The following KIF23 variants were observed in gnomAD, a reference collection of about 807,000 sequenced individuals.
The protein encoded by KIF23 is kinesin family member 23.
Under a neutral mutation model 137.5 loss-of-function variants are expected in KIF23, and 30 were observed. That is an observed-to-expected ratio of 0.22 (90% CI 0.16 to 0.30). KIF23 has a LOEUF of 0.30. Among genes scored for constraint, KIF23 ranks in the 10% least tolerant of loss-of-function variants. The probability of loss-of-function intolerance (pLI) is 1.00; values close to 1 mark genes in which losing one functional copy is unlikely to be tolerated. For synonymous variants in KIF23, 367 were observed against 391.1 expected, an observed-to-expected ratio of 0.94 and a Z score of 0.73; for missense variants, 920 against 1,194.3, an observed-to-expected ratio of 0.77 and a Z score of 3.38.
At chr15:69,426,916 C>T (rs2057209470) in intron 10 of KIF23, among the ~76,000 whole-genome samples, 1 of 152,058 alleles carries the variant, frequency 6.6e-6, no homozygotes, top group Non-Finnish European at 1.5e-5. Context: ...TTAAACAATA[C>T]AGTATAACAA....
chr15:69,445,111 A>C, intron 20 of KIF23, 70 bp downstream of exon 20: 1 of 1,410,208 alleles, frequency 7.1e-7, no homozygotes, highest in South Asian at 1.4e-5. Flanking sequence ...TTGTCCTGCT[A>C]CTCCTTTGGT....
intron 3 of KIF23, among the ~76,000 whole-genome samples, chr15:69,419,849 TTAAG>T (rs1187180004): frequency 1.3e-5 from 2 of 152,204 alleles, no homozygotes; most frequent in Non-Finnish European, 2.9e-5. Flanking sequence ...TTTTACTTCT[TTAAG>T]TAAATTTCAA....
At chr15:69,438,535 T>C in intron 16 of KIF23, 130 bp downstream of exon 16, 1 of 747,356 alleles carries the variant, frequency 1.3e-6, no homozygotes, top group Non-Finnish European at 2.0e-6. Flanking sequence ...CGGTGGCTCA[T>C]GCAGGTAATT....
chr15:69,435,879 A>G (rs1287047453), intron 13 of KIF23, 108 bp downstream of exon 13: 1 of 1,425,330 alleles, frequency 7.0e-7, no homozygotes, highest in African/African-American at 1.4e-5. Flanking sequence ...ATAGAGAACC[A>G]TTGATTGTAG....
chr15:69,416,139 C>A, intron 2 of KIF23, 76 bp downstream of exon 2: 1 of 899,820 alleles, frequency 1.1e-6, no homozygotes, highest in Non-Finnish European at 1.7e-6. Context: ...TATGTGTATG[C>A]TTGGAAGGGA....
rs1387852869 is a variant in KIF23 at position 69,444,628 on chromosome 15, G to A, written c.2422-162G>A. ...ATACAAGTTGGTGTTAAAGATGTTT[G>A]TTGGTTTTGTGTTTAAATGCAAAGA... On this transcript the variant is annotated intron_variant, in intron 19 of 23. Transcript: ENST00000679126. The surrounding 1 kb of genome is among the most constrained non-coding windows in gnomAD (Gnocchi z 4.2). 3 of 673,552 alleles carry A rather than the reference G, an allele frequency of 4.5e-6. No homozygotes were observed. Among genetic ancestry groups the A allele is most frequent in the Non-Finnish European group, 7.3e-6 (3 of 412,878 alleles). The allele number at this position is 673,552 out of a possible 1,614,324, so 41.7% of individuals were successfully genotyped here. A position where few individuals can be genotyped will look rare whatever the true frequency, so the allele number is the denominator to read the frequency against.
chr15:69,430,320 G>A (rs1241927549), intron 11 of KIF23, among the ~76,000 whole-genome samples: 1 of 152,164 alleles, frequency 6.6e-6, no homozygotes, highest in Non-Finnish European at 1.5e-5. Flanking sequence ...TGATCAATCA[G>A]TGTAATTGGG....
At chr15:69,422,794 G>T in intron 6 of KIF23, 1 of 279,088 alleles carries the variant, frequency 3.6e-6, no homozygotes, top group East Asian at 9.0e-5. Flanking sequence ...TTTCCCCTTG[G>T]GATCAGTTAC....
In KIF23 at chr15:69,436,646, A is replaced by G. The variant is rs773589917; in HGVS notation, c.1521A>G (p.Thr507=). The change falls in exon 15 of 24, where the codon ACA becomes ACG. Residue 507 remains threonine, a synonymous_variant. Coordinates refer to ENST00000679126, the MANE Select transcript of KIF23 (RefSeq NM_001367805.3). ...CEILDINDEQ[T]LPRLIEALEK... is the part of the protein sequence containing the mutation. ...TTTTGGATATCAACGATGAGCAGAC[A>G]CTTCCAAGGCTGATTGAAGCCTTAG... 6.2e-7 allele frequency: 1 copy of G among 1,612,516 alleles called. No individual in the cohort carries two copies. The highest frequency in any genetic ancestry group is 1.7e-5 in the Admixed American group (1 of 59,976).
At chr15:69,420,941 A>G (rs1489748599) in intron 3 of KIF23, among the ~76,000 whole-genome samples, 1 of 152,216 alleles carries the variant, frequency 6.6e-6, no homozygotes, top group Non-Finnish European at 1.5e-5. Flanking sequence ...TGACACCTTT[A>G]TAAAGAAAAA....
intron 11 of KIF23, among the ~76,000 whole-genome samples, chr15:69,433,744 A>G (rs534139752): frequency 6.6e-6 from 1 of 151,974 alleles, no homozygotes; most frequent in East Asian, 1.9e-4. Flanking sequence ...TTATTTTATT[A>G]TTTTTATTTT....
Position 69,426,109 on chromosome 15 carries a change from T to C in KIF23, c.816T>C (p.His272=). ...AATTGCTTCGTGAAGATAAGAACCA[T>C]AACATGTATGTTGCAGGATGTACAG... ...QSKLLREDKN[H]NMYVAGCTEV... is the part of the protein sequence containing the mutation. The change falls in exon 9 of 24, where the codon CAT becomes CAC. Residue 272 remains histidine, a synonymous_variant. Coordinates refer to ENST00000679126, the MANE Select transcript of KIF23 (RefSeq NM_001367805.3). The C allele has an allele frequency of 6.2e-7, 1 of 1,603,456 alleles. No individual in the cohort carries two copies.
At chr15:69,445,144 G>A (rs1252037732) in intron 20 of KIF23, 103 bp downstream of exon 20, 2 of 1,083,124 alleles carry the variant, frequency 1.8e-6, no homozygotes, top group Non-Finnish European at 2.6e-6. Context: ...GTGTCAACTG[G>A]AACATCAGTA....
rs138262354 is a variant in KIF23 at position 69,427,010 on chromosome 15, C to T, written c.1011+553C>T. The stretch of plus-strand genomic sequence containing the variant: ...AATATACAGGAGGGCTGGGTGCGTG[C>T]GTGGCTCATGCCTGTAATCCCAGTG... On this transcript the variant is annotated intron_variant, in intron 10 of 23. Coordinates refer to ENST00000679126, the MANE Select transcript of KIF23 (RefSeq NM_001367805.3). 7.4e-3 allele frequency among the ~76,000 whole-genome samples: 1,119 copies of T among 151,866 alleles called. 20 individuals carry two copies. Among genetic ancestry groups the T allele is most frequent in the African/African-American group, 0.025 (1,038 of 41,422 alleles).
rs2057109878 is a variant in KIF23, at chr15:69,423,344, G to C, written c.734+15G>C. 1 of 1,514,998 alleles carries C rather than the reference G, an allele frequency of 6.6e-7. No homozygotes were observed. Among genetic ancestry groups the C allele is most frequent in the African/African-American group, 1.4e-5 (1 of 69,674 alleles). The allele number at this position is 1,514,998 out of a possible 1,614,324, so 93.8% of individuals were successfully genotyped here. The stretch of plus-strand genomic sequence containing the variant: ...ATAAAACCCAAGTAAGTAATAAAGA[G>C]AGCCCCTTCTTAGCTGTTAATGTTG... On this transcript the variant is annotated intron_variant, in intron 7 of 23. Transcript: ENST00000679126.
Position 69,435,777 on chromosome 15 carries a change from T to A in KIF23, c.1314+6T>A. 3.7e-6 allele frequency: 6 copies of A among 1,613,562 alleles called. No homozygotes were observed. Among genetic ancestry groups the A allele is most frequent in the Non-Finnish European group, 4.2e-6 (5 of 1,179,908 alleles). On this transcript the variant is annotated splice_donor_region_variant and intron_variant, in intron 13 of 23. Transcript: ENST00000679126. ...AAGATTATGAAGAAAACTTGGTAATTTTAATGTATTTGTCCTATAAAGTCT... is the reference window on the plus strand; with the variant it reads ...AAGATTATGAAGAAAACTTGGTAATATTAATGTATTTGTCCTATAAAGTCT...
At chr15:69,418,519 C>T (rs1386656877) in intron 3 of KIF23, among the ~76,000 whole-genome samples, 1 of 152,180 alleles carries the variant, frequency 6.6e-6, no homozygotes, top group Non-Finnish European at 1.5e-5. Flanking sequence ...CTGGTACCTA[C>T]CTTTTACTTG....
At chr15:69,437,456 C>A (rs1263581100) in intron 15 of KIF23, among the ~76,000 whole-genome samples, 1 of 120,562 alleles carries the variant, frequency 8.3e-6, no homozygotes, top group Non-Finnish European at 1.7e-5. Flanking sequence ...AATGTATCTA[C>A]TTTTTTTTTT....
At position 69,426,304 on chromosome 15, in the gene KIF23, A is replaced by G. The variant is rs2057189791; in HGVS notation, c.890-32A>G. ...CATGTATAATGAAATGACTGAGTTC[A>G]GGTTTGACCAATGATTTCTCTGTTG... On this transcript the variant is annotated intron_variant, in intron 9 of 23. Coordinates refer to ENST00000679126, the MANE Select transcript of KIF23 (RefSeq NM_001367805.3). The G allele has an allele frequency of 4.3e-6, 7 of 1,611,912 alleles. No individual in the cohort carries two copies. The African/African-American group carries it at 5.3e-5, about 12-fold the overall frequency.
Sources: allele counts gnomAD v4.1 joint callset (sites outside exome capture counted in the v4.1 genomes callset), GRCh38; gene constraint gnomAD v4.1.1; non-coding constraint Gnocchi (gnomAD v3.1); transcripts MANE v1.5; gene names NCBI Gene and HGNC (gene_info 2026-07-23, HGNC 2026-07-21).